DENND1B: variants seen among roughly 807,000 people sequenced by gnomAD.
The protein encoded by DENND1B is DENN domain-containing protein 1B.
Under a neutral mutation model 90.1 loss-of-function variants are expected in DENND1B, and 59 were observed. The observed-to-expected ratio is 0.65, with a 90% CI of 0.53 to 0.81. DENND1B has a LOEUF of 0.81. Ranked by LOEUF, DENND1B falls within the 40% of genes least tolerant of loss-of-function variation. The probability of loss-of-function intolerance (pLI) is 0.00; values close to 1 mark genes in which losing one functional copy is unlikely to be tolerated. For synonymous variants in DENND1B, 337 were observed against 324.6 expected (o/e 1.04, Z -0.41); for missense variants, 862 against 912.6 (o/e 0.94, Z 0.71).
chr1:197,731,892 C>T (rs1662186488), intron 2 of DENND1B, among the ~76,000 whole-genome samples: 1 of 152,122 alleles, frequency 6.6e-6, no homozygotes, highest in Non-Finnish European at 1.5e-5. Flanking sequence ...GTGATAATAG[C>T]AGTACCCACC....
At chr1:197,613,730 C>T (rs1443565111) in intron 11 of DENND1B, among the ~76,000 whole-genome samples, 1 of 150,916 alleles carries the variant, frequency 6.6e-6, no homozygotes, top group Non-Finnish European at 1.5e-5. Context: ...AGGCCATAAT[C>T]TTAAATATCT....
At chr1:197,545,195 A>G (rs1253453927) in intron 18 of DENND1B, among the ~76,000 whole-genome samples, 1 of 151,992 alleles carries the variant, frequency 6.6e-6, no homozygotes, top group African/African-American at 2.4e-5. Context: ...ACTTGAGGTC[A>G]GGGGTTTGAG....
intron 2 of DENND1B, among the ~76,000 whole-genome samples, chr1:197,755,458 C>A (rs1654162534): frequency 6.7e-6 from 1 of 149,286 alleles, no homozygotes. Context: ...GTACAGGATG[C>A]CAAAACAAAA....
At chr1:197,574,600 T>C (rs1384686896) in intron 15 of DENND1B, among the ~76,000 whole-genome samples, 1 of 152,164 alleles carries the variant, frequency 6.6e-6, no homozygotes. Flanking sequence ...ACTTTAAAGT[T>C]CATATGGAAC....
intron 3 of DENND1B, among the ~76,000 whole-genome samples, chr1:197,699,568 G>T (rs992061096): frequency 6.6e-6 from 1 of 152,012 alleles, no homozygotes; most frequent in Non-Finnish European, 1.5e-5. Context: ...GGGCAATCAG[G>T]CAAGACAAAG....
At position 197,513,496 on chromosome 1, in the gene DENND1B, T is replaced by C. The variant is rs1668180797; in HGVS notation, c.1516-543A>G. On this transcript the variant is annotated intron_variant, in intron 20 of 22. Transcript: ENST00000620048. ...GAATTTCTGCATTTCTAACAAGCTC[T>C]TAGGTAAGGTCAATACTGCTGAATC... 9.6e-5 allele frequency among the ~76,000 whole-genome samples: 13 copies of C among 135,902 alleles called. No homozygotes were observed. The Admixed American group carries it at 1.0e-3, about 11-fold the overall frequency. 89.2% of individuals were successfully genotyped at this position (135,902 alleles called of 152,430 possible).
chr1:197,607,078 C>G lies in DENND1B; in HGVS notation c.916G>C (p.Asp306His). ...PFSDLNNLPS[D>H]VVSALKNKLK... The stretch of plus-strand genomic sequence containing the variant: ...TGAATAGCCTTCATACTTACCACAT[C>G]ACTTGGTAGGTTGTTCAAGTCACTA... Residue 306 changes from aspartate (D) to histidine (H), a missense_variant, in exon 13 of 23, where the codon GAT becomes CAT. Coordinates refer to ENST00000620048, the MANE Select transcript of DENND1B (RefSeq NM_001195215.2). 6.2e-7 allele frequency: 1 copy of G among 1,602,312 alleles called. No individual in the cohort carries two copies. Among genetic ancestry groups the G allele is most frequent in the Non-Finnish European group, 8.5e-7 (1 of 1,171,874 alleles).
intron 18 of DENND1B, among the ~76,000 whole-genome samples, chr1:197,544,928 A>AAGAAG (rs1558222345): frequency 0.26 from 178 of 680 alleles, 4 homozygotes; most frequent in African/African-American, 0.38. Flanking sequence ...AGAAGAAAAG[A>AAGAAG]GAAGAAGAAG....
intron 2 of DENND1B, among the ~76,000 whole-genome samples, chr1:197,763,755 C>T (rs949683347): frequency 6.6e-6 from 1 of 152,234 alleles, no homozygotes; most frequent in African/African-American, 2.4e-5. Flanking sequence ...CTCCCCACTC[C>T]TCTACTGTTC....
chr1:197,714,549 A>G (rs942750579), intron 3 of DENND1B, among the ~76,000 whole-genome samples: 4 of 152,112 alleles, frequency 2.6e-5, no homozygotes, highest in Admixed American at 1.3e-4. Flanking sequence ...GCTATAGGTA[A>G]GAACTATTTT....
intron 2 of DENND1B, among the ~76,000 whole-genome samples, chr1:197,760,154 G>T (rs1654847899): frequency 6.6e-6 from 1 of 152,112 alleles, no homozygotes; most frequent in South Asian, 2.1e-4. Flanking sequence ...GATTTGGAAG[G>T]CATTCCAGAA....
intron 3 of DENND1B, among the ~76,000 whole-genome samples, chr1:197,677,075 T>C (rs1280153369): frequency 6.6e-6 from 1 of 152,168 alleles, no homozygotes; most frequent in African/African-American, 2.4e-5. Context: ...CAAAGGTCTT[T>C]GAATTTATCT....
intron 3 of DENND1B, among the ~76,000 whole-genome samples, chr1:197,703,250 T>G (rs1379512363): frequency 6.6e-6 from 1 of 151,260 alleles, no homozygotes; most frequent in Non-Finnish European, 1.5e-5. Context: ...GCCTCCAAAG[T>G]GCTGGGATTA....
intron 20 of DENND1B, among the ~76,000 whole-genome samples, chr1:197,517,862 C>T (rs1045848181): frequency 2.6e-5 from 4 of 151,944 alleles, no homozygotes; most frequent in Admixed American, 1.3e-4. Flanking sequence ...CTGTCCTACA[C>T]GTGGGCTGAC....
intron 15 of DENND1B, among the ~76,000 whole-genome samples, chr1:197,566,468 C>CCT (rs931594421): frequency 5.3e-5 from 8 of 151,832 alleles, no homozygotes; most frequent in African/African-American, 1.5e-4. Flanking sequence ...AGAACAGAGC[C>CCT]CTCAGAAATA....
chr1:197,698,218 T>A (rs1418925647), intron 3 of DENND1B, among the ~76,000 whole-genome samples: 1 of 152,124 alleles, frequency 6.6e-6, no homozygotes, highest in Admixed American at 6.6e-5. Flanking sequence ...AAACAGTCTC[T>A]CAGACCACAG....
At chr1:197,544,888 GGAA>G (rs147294193) in intron 18 of DENND1B, among the ~76,000 whole-genome samples, 8,960 of 115,856 alleles carry the variant, frequency 0.077, 686 homozygotes, top group Non-Finnish European at 0.11. Flanking sequence ...AAGAGGAAGA[GGAA>G]GAAGAAGAAG....
At position 197,679,168 on chromosome 1, in the gene DENND1B, T is replaced by C. The variant is rs79785253; in HGVS notation, c.127-4999A>G. On this transcript the variant is annotated intron_variant, in intron 3 of 22. Transcript: ENST00000620048. Reference sequence around the variant, plus strand: ...ATAAAAAGAACTATGTTATAAAATATAAATTTCAGAAATTTCAGTTCTATG... The same window carrying C: ...ATAAAAAGAACTATGTTATAAAATACAAATTTCAGAAATTTCAGTTCTATG... Among the ~76,000 whole-genome samples the C allele has an allele frequency of 5.9e-3, 899 of 151,872 alleles. 8 individuals carry two copies. Among genetic ancestry groups the C allele is most frequent in the African/African-American group, 0.019 (809 of 41,494 alleles).
At chr1:197,661,691 T>A (rs991933853) in intron 5 of DENND1B, among the ~76,000 whole-genome samples, 1 of 152,200 alleles carries the variant, frequency 6.6e-6, no homozygotes, top group Admixed American at 6.6e-5. Context: ...ACTATATACA[T>A]AACAATAATT....
Sources: allele counts gnomAD v4.1 joint callset (sites outside exome capture counted in the v4.1 genomes callset), GRCh38; gene constraint gnomAD v4.1.1; transcripts MANE v1.5; gene names NCBI Gene and HGNC (gene_info 2026-07-23, HGNC 2026-07-21).